ZNF18: variants seen among roughly 807,000 people sequenced by gnomAD.
The protein encoded by ZNF18 is zinc finger protein 18.
In ZNF18, 42 loss-of-function variants were observed where a neutral mutation model predicts 58.1. The observed-to-expected ratio is 0.72, with a 90% CI of 0.56 to 0.93. The LOEUF (loss-of-function observed/expected upper bound fraction) is 0.93. Among genes scored for constraint, ZNF18 ranks in the 40% least tolerant of loss-of-function variants. ZNF18 has a pLI of 0.00. For synonymous variants in ZNF18, 231 were observed against 239.8 expected, an observed-to-expected ratio of 0.96 and a Z score of 0.34; for missense variants, 540 against 644.2, an observed-to-expected ratio of 0.84 and a Z score of 1.75.
the ZNF18 span, among the ~76,000 whole-genome samples, chr17:12,020,670 G>A: frequency 2.0e-5 from 3 of 152,168 alleles, no homozygotes; most frequent in Non-Finnish European, 4.4e-5. Context: ...ACAGCTGTCT[G>A]CTTCACAGGT....
the ZNF18 span, among the ~76,000 whole-genome samples, chr17:12,020,532 G>C: frequency 2.0e-5 from 3 of 152,180 alleles, no homozygotes; most frequent in African/African-American, 7.2e-5. Context: ...CAACAAAGTG[G>C]ACTTTTGGGA....
the ZNF18 span, among the ~76,000 whole-genome samples, chr17:12,007,363 T>C: frequency 6.6e-6 from 1 of 152,186 alleles, no homozygotes; most frequent in Non-Finnish European, 1.5e-5. Flanking sequence ...GTGACAATCT[T>C]AGAGCGATTG....
the ZNF18 span, among the ~76,000 whole-genome samples, chr17:12,019,418 AT>A: frequency 6.6e-6 from 1 of 151,934 alleles, no homozygotes; most frequent in Non-Finnish European, 1.5e-5. Context: ...TTAAATTCTT[AT>A]TAAAGGCCAG....
chr17:11,982,822 TA>T (rs1402160827), intron 6 of ZNF18, among the ~76,000 whole-genome samples: 1 of 152,182 alleles, frequency 6.6e-6, no homozygotes, highest in Non-Finnish European at 1.5e-5. Context: ...ATAAATTATT[TA>T]TACGAAGTAT....
the ZNF18 span, among the ~76,000 whole-genome samples, chr17:12,018,038 A>G: frequency 6.6e-6 from 1 of 152,210 alleles, no homozygotes; most frequent in African/African-American, 2.4e-5. Context: ...ATATTGCCAT[A>G]CATTCCTCTT....
At chr17:11,992,418 G>GC (rs1567607184) in intron 2 of ZNF18, 25 bp downstream of exon 2, 11 of 1,597,536 alleles carry the variant, frequency 6.9e-6, no homozygotes, top group Non-Finnish European at 9.4e-6. Context: ...TGTTTCACTC[G>GC]CAGATCATAA....
At chr17:11,984,092 C>G in intron 5 of ZNF18, 21 bp downstream of exon 5, 2 of 1,600,364 alleles carry the variant, frequency 1.2e-6, no homozygotes, top group Non-Finnish European at 1.7e-6. Flanking sequence ...CTCCTTCCAT[C>G]AGACTAACCC....
chr17:12,010,494 C>T, the ZNF18 span, among the ~76,000 whole-genome samples: 1 of 151,984 alleles, frequency 6.6e-6, no homozygotes, highest in Non-Finnish European at 1.5e-5. Context: ...TGGCTCACTG[C>T]AACCTCTGTC....
the ZNF18 span, chr17:12,020,853 C>T: frequency 9.1e-6 from 9 of 993,700 alleles, no homozygotes; most frequent in South Asian, 5.1e-5. Flanking sequence ...GCATTGCAGC[C>T]GCCGCGGCGC....
the ZNF18 span, chr17:12,010,930 G>T: frequency 1.7e-6 from 1 of 589,182 alleles, no homozygotes; most frequent in Non-Finnish European, 3.1e-6. Flanking sequence ...GGCTCTTCAC[G>T]TGCTTAACAT....
intron 1 of ZNF18, among the ~76,000 whole-genome samples, chr17:11,995,885 G>A (rs1968444365): frequency 6.6e-6 from 1 of 151,898 alleles, no homozygotes; most frequent in African/African-American, 2.4e-5. Flanking sequence ...AAAATATTAC[G>A]CAAAGTGGTA....
At chr17:12,017,687 G>A in the ZNF18 span, among the ~76,000 whole-genome samples, 4 of 152,122 alleles carry the variant, frequency 2.6e-5, no homozygotes, top group East Asian at 5.8e-4. Flanking sequence ...AGACCAGCCT[G>A]AACAATATGG....
the ZNF18 span, among the ~76,000 whole-genome samples, chr17:12,011,622 G>C: frequency 6.6e-5 from 10 of 151,384 alleles, no homozygotes; most frequent in Admixed American, 4.0e-4. Context: ...CTGACCTCAT[G>C]ATCTGCCCAC....
chr17:11,986,680 C>T (rs1403690434), intron 4 of ZNF18, among the ~76,000 whole-genome samples: 2 of 152,180 alleles, frequency 1.3e-5, no homozygotes, highest in African/African-American at 4.8e-5. Flanking sequence ...GCAAACATTG[C>T]TGAACACAGG....
chr17:11,980,368 ACTTT>A (rs1341739343), intron 6 of ZNF18, among the ~76,000 whole-genome samples: 4 of 152,088 alleles, frequency 2.6e-5, no homozygotes, highest in East Asian at 1.9e-4. Flanking sequence ...TTTCTTATCA[ACTTT>A]CTTTAACTCT....
At chr17:11,990,596 A>G (rs765304528) in intron 3 of ZNF18, 46 bp from the exon 4 acceptor site, 1 of 1,497,038 alleles carries the variant, frequency 6.7e-7, no homozygotes, top group East Asian at 2.3e-5. Context: ...GTCTTCCTTA[A>G]CCACTCCCCA....
Position 11,992,527 on chromosome 17 carries a change from C to T in ZNF18, c.303G>A (p.Val101=), listed in dbSNP as rs1217188275. The change falls in exon 2 of 7, where the codon GTG becomes GTA. Residue 101 remains valine (V), a synonymous_variant. Coordinates refer to ENST00000580306, the MANE Select transcript of ZNF18 (RefSeq NM_001303281.2). ...TILPGEIQMW[V]RKQCPGSGEE... is the part of the protein sequence containing the mutation. ...CTCCACTTCCTGGACACTGTTTCCG[C>T]ACCCACATCTGGATCTCCCCAGGCA... 3.1e-6 allele frequency: 5 copies of T among 1,614,238 alleles called. No homozygotes were observed. The highest frequency in any genetic ancestry group is 4.2e-6 in the Non-Finnish European group (5 of 1,180,046).
At chr17:12,016,985 C>G in the ZNF18 span, among the ~76,000 whole-genome samples, 1 of 151,878 alleles carries the variant, frequency 6.6e-6, no homozygotes, top group African/African-American at 2.4e-5. Context: ...CCACCAGAGG[C>G]CAGGAGTTCA....
At chr17:12,017,584 A>G in the ZNF18 span, among the ~76,000 whole-genome samples, 1 of 152,196 alleles carries the variant, frequency 6.6e-6, no homozygotes, top group African/African-American at 2.4e-5. Context: ...GAAATGAAAA[A>G]TGTATTCTTG....
Sources: gnomAD v4.1 joint callset for allele counts (sites outside exome capture counted in the v4.1 genomes callset) on GRCh38, gnomAD v4.1.1 for gene constraint, MANE v1.5 for transcripts, NCBI Gene and HGNC (gene_info 2026-07-23, HGNC 2026-07-21) for gene names.